The following ACIN1 variants were observed in gnomAD, a reference collection of about 807,000 sequenced individuals.
ACIN1 encodes apoptotic chromatin condensation inducer in the nucleus.
ACIN1 carries 16 observed loss-of-function variants against 146.6 expected under a neutral mutation model. The observed-to-expected ratio is 0.11, with a 90% CI of 0.07 to 0.17. ACIN1 has a LOEUF of 0.17. ACIN1 is among the 10% of genes least tolerant of loss of function. The pLI is 1.00. For missense variants in ACIN1, 1,357 were observed against 1,609.3 expected (o/e 0.84, Z 2.68); for synonymous variants, 569 against 582.7 (o/e 0.98, Z 0.34).
At chr14:23,071,171 T>C (rs1402472667) in intron 8 of ACIN1, 2 of 1,551,056 alleles carry the variant, frequency 1.3e-6, no homozygotes, top group African/African-American at 2.7e-5. Flanking sequence ...CCCCTGGAAG[T>C]GCTGTTTATC....
intron 10 of ACIN1, 129 bp from the exon 11 acceptor site, chr14:23,064,617 G>C (rs1268471452): frequency 3.7e-6 from 5 of 1,334,890 alleles, no homozygotes; most frequent in Admixed American, 2.2e-5. Flanking sequence ...CATATTTGGA[G>C]GCTGAGTGTG....
Position 23,081,830 on chromosome 14 carries a change from C to T in ACIN1, c.443G>A (p.Ser148Asn). Residue 148 changes from serine (S) to asparagine (N), a missense_variant, in exon 5 of 19, where the codon AGC becomes AAC. Physicochemically the swap from Ser to Asn is conservative, Grantham distance 46. This residue lies in a region of ACIN1 where 771 missense variants were observed against 746.6 expected (regional missense o/e 1.03). Transcript: ENST00000605057. Reference sequence around the variant, plus strand: ...ACCTTTCTCTTCAGAAATTGAGGAGCTTTTTCCTATTGAATGAAAAAGAAT... The same window carrying T: ...ACCTTTCTCTTCAGAAATTGAGGAGTTTTTTCCTATTGAATGAAAAAGAAT... ...LELSRHSPRK[S>N]SSISEEKGDS... 6.2e-7 allele frequency: 1 copy of T among 1,608,570 alleles called. No homozygotes were observed. The highest frequency in any genetic ancestry group is 8.5e-7 in the Non-Finnish European group (1 of 1,178,864).
chr14:23,073,839 C>CTTT lies in ACIN1; in HGVS notation c.2124-4225_2124-4223dup, dbSNP rs530712203. 9.5e-4 allele frequency among the ~76,000 whole-genome samples: 129 copies of CTTT among 135,840 alleles called. 1 individual carries two copies. Among genetic ancestry groups the CTTT allele is most frequent in the Middle Eastern group, 3.8e-3 (1 of 266 alleles). 89.1% of individuals were successfully genotyped at this position (135,840 alleles called of 152,430 possible). A position where few individuals can be genotyped will look rare whatever the true frequency, so the allele number is the denominator to read the frequency against. ...TGAGAAATTTTGTTATTGAAAATTC[C>CTTT]TTTTTTTTTTTTTTTTTGAGACGGA... On this transcript the variant is annotated intron_variant, in intron 8 of 18. Coordinates refer to ENST00000605057, the MANE Select transcript of ACIN1 (RefSeq NM_001386863.1).
In ACIN1 at chr14:23,064,271, AC is replaced by A. The variant is rs760092837; in HGVS notation, c.2443-15del. On this transcript the variant is annotated splice_polypyrimidine_tract_variant and intron_variant, in intron 11 of 18. Transcript: ENST00000605057. ...GGGGATGAGGCTCTGGGACACAGAT[AC>A]CCCCCACCCCGTTACACTGGGCCCA... The A allele has an allele frequency of 1.2e-6, 2 of 1,613,612 alleles. No individual in the cohort carries two copies. The highest frequency in any genetic ancestry group is 1.1e-5 in the South Asian group (1 of 91,054).
rs1303463399 is a variant in ACIN1, at chr14:23,064,270, T to C, written c.2443-13A>G. On this transcript the variant is annotated splice_polypyrimidine_tract_variant and intron_variant, in intron 11 of 18. Transcript: ENST00000605057. ...CGGGGATGAGGCTCTGGGACACAGA[T>C]ACCCCCCACCCCGTTACACTGGGCC... 4 of 1,613,890 alleles carry C rather than the reference T, an allele frequency of 2.5e-6. No homozygotes were observed. The highest frequency in any genetic ancestry group is 1.3e-5 in the African/African-American group (1 of 74,952).
chr14:23,079,412 A>G, intron 6 of ACIN1, 135 bp downstream of exon 6: 1 of 1,418,738 alleles, frequency 7.0e-7, no homozygotes, highest in Non-Finnish European at 9.5e-7. Context: ...AATGAGGAGA[A>G]AGTAATCAGT....
chr14:23,067,931 G>A lies in ACIN1; in HGVS notation c.2265+1545C>T, dbSNP rs995688720. The A allele has an allele frequency of 1.0e-6, 1 of 985,880 alleles. No individual in the cohort carries two copies. The highest frequency in any genetic ancestry group is 4.7e-5 in the South Asian group (1 of 21,280). The allele number at this position is 985,880 out of a possible 1,614,324, so 61.1% of individuals were successfully genotyped here. A position where few individuals can be genotyped will look rare whatever the true frequency, so the allele number is the denominator to read the frequency against. On this transcript the variant is annotated intron_variant, in intron 9 of 18. Transcript: ENST00000605057. This position sits in a 1 kb window ranked among gnomAD's most constrained non-coding sequence, Gnocchi z 4.6. Reference sequence around the variant, plus strand: ...AGCAAGGTCAGAATACTTCTCTTCGGAGAGTTGTGGCTGGCATCTCCTCAG... The same window carrying A: ...AGCAAGGTCAGAATACTTCTCTTCGAAGAGTTGTGGCTGGCATCTCCTCAG...
In ACIN1 at chr14:23,079,550, T is replaced by G; in HGVS notation, c.1785A>C (p.Arg595Ser). The G allele has an allele frequency of 6.2e-7, 1 of 1,611,306 alleles. No homozygotes were observed. The highest frequency in any genetic ancestry group is 8.5e-7 in the Non-Finnish European group (1 of 1,179,240). Reference protein sequence around the residue: ...SRSRSASSNSRKSLSPGVSRD... With the variant: ...SRSRSASSNSSKSLSPGVSRD... Reference sequence around the variant, plus strand: ...CCCGGGATTCTCTCATACTCACTTTTCTGCTGTTGCTTGATGCTGAACGAG... The same window carrying G: ...CCCGGGATTCTCTCATACTCACTTTGCTGCTGTTGCTTGATGCTGAACGAG... The change falls in exon 6 of 19, where the codon AGA (arginine) becomes AGC (serine). Residue 595 changes from arginine to serine, a missense_variant. By Grantham distance (110) the Arg-to-Ser change is moderately radical. Coordinates refer to ENST00000605057, the MANE Select transcript of ACIN1 (RefSeq NM_001386863.1).
chr14:23,082,227 A>AT (rs199839111), intron 4 of ACIN1, among the ~76,000 whole-genome samples: 4 of 152,128 alleles, frequency 2.6e-5, no homozygotes, highest in Non-Finnish European at 5.9e-5. Context: ...TTCTGTATCC[A>AT]TTTTTTTGGA....
chr14:23,076,100 G>C (rs1453803733), intron 8 of ACIN1, among the ~76,000 whole-genome samples: 1 of 152,206 alleles, frequency 6.6e-6, no homozygotes, highest in Non-Finnish European at 1.5e-5. Flanking sequence ...ACACTCTGGA[G>C]GGGTGAGAGA....
Position 23,059,488 on chromosome 14 carries a change from G to C in ACIN1, c.3526-14C>G, listed in dbSNP as rs575294400. On this transcript the variant is annotated splice_polypyrimidine_tract_variant and intron_variant, in intron 18 of 18. Coordinates refer to ENST00000605057, the MANE Select transcript of ACIN1 (RefSeq NM_001386863.1). ...TTTCTGAACGATCTGTAGCCAGGTA[G>C]GAAAGGCAGAGAATAGGCAGCTCAG... 3.9e-5 allele frequency: 62 copies of C among 1,610,290 alleles called. No individual in the cohort carries two copies. The South Asian group carries it at 6.0e-4, about 16-fold the overall frequency.
At chr14:23,093,675 G>A in intron 1 of ACIN1, 131 bp from the exon 2 acceptor site, 2 of 747,502 alleles carry the variant, frequency 2.7e-6, no homozygotes, top group Non-Finnish European at 2.2e-6. Flanking sequence ...TCCTTTTCCA[G>A]GGACCTGAAA....
Position 23,080,405 on chromosome 14 carries a change from C to T in ACIN1, c.930G>A (p.Glu310=), listed in dbSNP as rs533360147. ...AAGATTTTATTTCTCTTTCTTCCTC[C>T]TCAAGGGGAGATGTTGTTTTCATTT... The part of the protein sequence containing the change: ...EKEMKTTSPL[E]EEEREIKSSQ... Residue 310 remains glutamate (E), a synonymous_variant, in exon 6 of 19, where the codon GAG becomes GAA. Coordinates refer to ENST00000605057, the MANE Select transcript of ACIN1 (RefSeq NM_001386863.1). 12 of 1,614,140 alleles carry T rather than the reference C, an allele frequency of 7.4e-6. No individual in the cohort carries two copies. The highest frequency in any genetic ancestry group is 4.4e-5 in the South Asian group (4 of 91,078).
intron 6 of ACIN1, 64 bp from the exon 7 acceptor site, chr14:23,079,102 C>T: frequency 5.4e-6 from 8 of 1,482,434 alleles, no homozygotes; most frequent in Non-Finnish European, 7.3e-6. Flanking sequence ...CAGTAGATTG[C>T]TGAGTTTTCC....
chr14:23,060,508 CT>C (rs57052013), intron 18 of ACIN1, among the ~76,000 whole-genome samples: 2,519 of 142,678 alleles, frequency 0.018, 38 homozygotes, highest in African/African-American at 0.048. Flanking sequence ...CAATCAAGTT[CT>C]TTTTTTTTTT....
In ACIN1 at chr14:23,058,724, G is replaced by A. The variant is rs1449169491; in HGVS notation, c.*424C>T. ...AGGACAGAAGAGACTGGGAACTGCA[G>A]GGGCCCTGGGACTCAGGAGGAGATG... On this transcript the variant is annotated 3_prime_UTR_variant, in exon 19 of 19. Transcript: ENST00000605057. The A allele has an allele frequency of 2.1e-5, 4 of 194,338 alleles. No individual in the cohort carries two copies. Among genetic ancestry groups the A allele is most frequent in the African/African-American group, 9.2e-5 (4 of 43,326 alleles). The allele number at this position is 194,338 out of a possible 1,614,324, so 12.0% of individuals were successfully genotyped here. A position where few individuals can be genotyped will look rare whatever the true frequency, so the allele number is the denominator to read the frequency against.
rs138580759 is a variant in ACIN1, at chr14:23,070,489, G to C, written c.2124-872C>G. ...CCCCCACACAGGCAGCTTCCCCCAAGAACACCAAACCCACTCTCCCACTCT... is the reference window on the plus strand; with the variant it reads ...CCCCCACACAGGCAGCTTCCCCCAACAACACCAAACCCACTCTCCCACTCT... On this transcript the variant is annotated intron_variant, in intron 8 of 18. Coordinates refer to ENST00000605057, the MANE Select transcript of ACIN1 (RefSeq NM_001386863.1). Among the ~76,000 whole-genome samples the C allele has an allele frequency of 2.3e-3, 344 of 151,898 alleles. 12 individuals carry two copies. In the East Asian group the frequency reaches 0.05, roughly 22 times the overall value.
rs924101097 is a variant in ACIN1, at chr14:23,067,223, A to C, written c.2266-1215T>G. Reference sequence around the variant, plus strand: ...AATCAGAAAAAATAAAGATATAGAAAAAAATAAAATAAAATATTAAAAAAA... The same window carrying C: ...AATCAGAAAAAATAAAGATATAGAACAAAATAAAATAAAATATTAAAAAAA... On this transcript the variant is annotated intron_variant, in intron 9 of 18. Transcript: ENST00000605057. This position sits in a 1 kb window ranked among gnomAD's most constrained non-coding sequence, Gnocchi z 4.6. The C allele has an allele frequency of 2.4e-6, 2 of 827,804 alleles. No homozygotes were observed. The highest frequency in any genetic ancestry group is 3.7e-5 in the African/African-American group (2 of 54,046). The allele number at this position is 827,804 out of a possible 1,614,324, so 51.3% of individuals were successfully genotyped here.
At position 23,068,522 on chromosome 14, in the gene ACIN1, G is replaced by A; in HGVS notation, c.2265+954C>T. The A allele has an allele frequency of 1.0e-6, 1 of 985,900 alleles. No homozygotes were observed. Among genetic ancestry groups the A allele is most frequent in the African/African-American group, 1.7e-5 (1 of 57,352 alleles). 61.1% of individuals were successfully genotyped at this position (985,900 alleles called of 1,614,324 possible). On this transcript the variant is annotated intron_variant, in intron 9 of 18. Coordinates refer to ENST00000605057, the MANE Select transcript of ACIN1 (RefSeq NM_001386863.1). This position sits in a 1 kb window ranked among gnomAD's most constrained non-coding sequence, Gnocchi z 4.3. The stretch of plus-strand genomic sequence containing the variant: ...GCCCATCACAGGAGCCCATATACAT[G>A]CCCCCCTCTGGCCAAGACACCTGGA...
Sources: allele counts gnomAD v4.1 joint callset (sites outside exome capture counted in the v4.1 genomes callset), GRCh38; gene constraint gnomAD v4.1.1; regional missense constraint gnomAD v4.1.1; non-coding constraint Gnocchi (gnomAD v3.1); transcripts MANE v1.5; gene names NCBI Gene and HGNC (gene_info 2026-07-23, HGNC 2026-07-21).